The following DNAH9 variants were observed in gnomAD, a reference collection of about 807,000 sequenced individuals.
The protein encoded by DNAH9 is DNAH9 variant protein.
DNAH9 carries 345 observed loss-of-function variants against 471.6 expected under a neutral mutation model. The observed-to-expected ratio is 0.73, with a 90% CI of 0.67 to 0.80. The LOEUF (loss-of-function observed/expected upper bound fraction) is 0.80. Ranked by LOEUF, DNAH9 falls within the 30% of genes least tolerant of loss-of-function variation. The pLI, the probability that DNAH9 is intolerant of heterozygous loss-of-function variation, is 0.00. For missense variants in DNAH9, 5,407 were observed against 5,609.2 expected, an observed-to-expected ratio of 0.96 and a Z score of 1.15; for synonymous variants, 2,093 against 2,123.6, an observed-to-expected ratio of 0.99 and a Z score of 0.40.
chr17:11,745,193 G>A, intron 31 of DNAH9, 109 bp downstream of exon 31: 3 of 903,404 alleles, frequency 3.3e-6, no homozygotes, highest in South Asian at 1.7e-5. Context: ...GTACAAATAT[G>A]TATCTAGTTA....
chr17:11,782,989 T>C (rs768957275), intron 39 of DNAH9, among the ~76,000 whole-genome samples: 5 of 152,218 alleles, frequency 3.3e-5, no homozygotes. Context: ...CACTCTCTTA[T>C]CTCCCACTCA....
chr17:11,698,263 A>ATTATATAATATATTAATATATAAT (rs1201619905), intron 22 of DNAH9, among the ~76,000 whole-genome samples: 8 of 7,056 alleles, frequency 1.1e-3, no homozygotes, highest in Non-Finnish European at 2.9e-3. Flanking sequence ...AATATATAAT[A>ATTATATAATATATTAATATATAAT]ATTATATAAT....
chr17:11,868,557 T>C (rs1056505635), intron 50 of DNAH9, among the ~76,000 whole-genome samples: 3 of 152,096 alleles, frequency 2.0e-5, no homozygotes, highest in African/African-American at 7.2e-5. Context: ...AGTTACCTTG[T>C]ACTCTAGGAC....
At chr17:11,734,409 G>A (rs755856255) in intron 28 of DNAH9, among the ~76,000 whole-genome samples, 13 of 152,150 alleles carry the variant, frequency 8.5e-5, no homozygotes, top group Admixed American at 5.9e-4. Context: ...CCAGTGTATC[G>A]GTACTTTCTA....
chr17:11,897,790 A>T (rs1473619639), intron 59 of DNAH9, among the ~76,000 whole-genome samples: 1 of 152,206 alleles, frequency 6.6e-6, no homozygotes, highest in Non-Finnish European at 1.5e-5. Flanking sequence ...GTAAATGCTA[A>T]ACCAATGGAA....
chr17:11,783,681 C>A lies in DNAH9; in HGVS notation c.7754C>A (p.Thr2585Lys). 6.2e-7 allele frequency: 1 copy of A among 1,614,112 alleles called. No homozygotes were observed. Among genetic ancestry groups the A allele is most frequent in the Non-Finnish European group, 8.5e-7 (1 of 1,180,016 alleles). Residue 2585 changes from threonine to lysine, a missense_variant, in exon 40 of 69, where the codon ACA becomes AAA. Thr to Lys is a moderately conservative substitution (Grantham distance 78). Transcript: ENST00000262442. ...DRSKLSLKEITNVQYVSCMNP... is the reference protein window; with the variant it reads ...DRSKLSLKEIKNVQYVSCMNP... ...AGCAAGCTGTCCCTAAAGGAGATCA[C>A]AAATGTACAGTATGTTTCCTGTATG...
Position 11,617,633 on chromosome 17 carries a change from C to T in DNAH9, c.1116+11C>T. On this transcript the variant is annotated intron_variant, in intron 5 of 68. Transcript: ENST00000262442. The stretch of plus-strand genomic sequence containing the variant: ...CTTCTCATCCAGCAGGTGGGCTGCC[C>T]TGGGATGCCCAGCAACTGCTCCCTG... 6.2e-7 allele frequency: 1 copy of T among 1,608,690 alleles called. No homozygotes were observed. The highest frequency in any genetic ancestry group is 8.5e-7 in the Non-Finnish European group (1 of 1,175,756).
intron 14 of DNAH9, among the ~76,000 whole-genome samples, chr17:11,658,332 A>G (rs1043798668): frequency 4.6e-5 from 7 of 152,166 alleles, no homozygotes; most frequent in African/African-American, 1.7e-4. Context: ...CAGGTAGTGT[A>G]TACAAGCATC....
At chr17:11,755,858 G>C (rs997814528) in intron 33 of DNAH9, among the ~76,000 whole-genome samples, 10 of 152,194 alleles carry the variant, frequency 6.6e-5, no homozygotes, top group Non-Finnish European at 1.2e-4. Context: ...TAAAGAAAAA[G>C]AGGTTTAATG....
In DNAH9 at chr17:11,910,901, G is replaced by A. The variant is rs554241751; in HGVS notation, c.11749+5092G>A. ...AAATTAGGTTACTTGTCCTTTTATCGTTGAGTTATAAGAAGAGTTCCTTAT... is the reference window on the plus strand; with the variant it reads ...AAATTAGGTTACTTGTCCTTTTATCATTGAGTTATAAGAAGAGTTCCTTAT... On this transcript the variant is annotated intron_variant, in intron 61 of 68. Coordinates refer to ENST00000262442, the MANE Select transcript of DNAH9 (RefSeq NM_001372.4). Among the ~76,000 whole-genome samples, 76 of 152,098 alleles carry A rather than the reference G, an allele frequency of 5.0e-4. 1 individual carries two copies. Among genetic ancestry groups the A allele is most frequent in the Middle Eastern group, 3.4e-3 (1 of 294 alleles).
Position 11,598,603 on chromosome 17 carries a change from CCTGCGGCCGG to C in DNAH9, c.112_121del (p.Pro38AlafsTer93). On this transcript the variant is annotated frameshift_variant, in exon 1 of 69. Coordinates refer to ENST00000262442, the MANE Select transcript of DNAH9 (RefSeq NM_001372.4). LOFTEE classifies it high-confidence loss of function. ...TCCTGGGGACCTACGTGGCCATGAG[CCTGCGGCCGG>C]CTGCGGGCGCCTGGGAGCGTTGCGC... 5 of 1,343,220 alleles carry C rather than the reference CCTGCGGCCGG, an allele frequency of 3.7e-6. No individual in the cohort carries two copies. Among genetic ancestry groups the C allele is most frequent in the Non-Finnish European group, 4.8e-6 (5 of 1,050,720 alleles). 83.2% of individuals were successfully genotyped at this position (1,343,220 alleles called of 1,614,324 possible).
Position 11,636,630 on chromosome 17 carries a change from A to G in DNAH9, c.1636-4A>G. 1 of 1,611,956 alleles carries G rather than the reference A, an allele frequency of 6.2e-7. No homozygotes were observed. Among genetic ancestry groups the G allele is most frequent in the Non-Finnish European group, 8.5e-7 (1 of 1,178,402 alleles). On this transcript the variant is annotated splice_polypyrimidine_tract_variant and splice_region_variant and intron_variant, in intron 8 of 68. Coordinates refer to ENST00000262442, the MANE Select transcript of DNAH9 (RefSeq NM_001372.4). ...TTCCTCTTTTTCCTCCACCTTCCCT[A>G]CAGCTGCTAGACATAGCAGGAAACC...
intron 30 of DNAH9, among the ~76,000 whole-genome samples, chr17:11,744,557 ACCC>A (rs1195153314): frequency 6.6e-6 from 1 of 151,670 alleles, no homozygotes; most frequent in Non-Finnish European, 1.5e-5. Context: ...GATCTCTTTG[ACCC>A]CCCACATCAT....
At chr17:11,959,503 G>T (rs903064259) in intron 67 of DNAH9, among the ~76,000 whole-genome samples, 1 of 152,112 alleles carries the variant, frequency 6.6e-6, no homozygotes, top group African/African-American at 2.4e-5. Flanking sequence ...GCTTGATTTG[G>T]GCTCAGAGAT....
rs1597850796 is a variant in DNAH9 at position 11,937,966 on chromosome 17, A to G, written c.12660+444A>G. ...CCAGTGGGGAAGAACACAGTCCTTC[A>G]TAATGCAAACGCCTTCCCTTCGTGT... is the stretch of plus-strand genomic sequence containing the variant. On this transcript the variant is annotated intron_variant, in intron 66 of 68. Coordinates refer to ENST00000262442, the MANE Select transcript of DNAH9 (RefSeq NM_001372.4). The surrounding 1 kb of genome is among the most constrained non-coding windows in gnomAD (Gnocchi z 4.1). Among the ~76,000 whole-genome samples the G allele has an allele frequency of 6.6e-6, 1 of 152,372 alleles. No homozygotes were observed. Among genetic ancestry groups the G allele is most frequent in the Non-Finnish European group, 1.5e-5 (1 of 68,034 alleles).
At chr17:11,635,563 T>C (rs571627862) in intron 8 of DNAH9, among the ~76,000 whole-genome samples, 1 of 152,296 alleles carries the variant, frequency 6.6e-6, no homozygotes, top group South Asian at 2.1e-4. Context: ...TGCCCACTGC[T>C]GTACTTCGTC....
rs1375681176 is a variant in DNAH9 at position 11,690,080 on chromosome 17, G to T, written c.4258G>T (p.Val1420Phe). 19 of 1,613,308 alleles carry T rather than the reference G, an allele frequency of 1.2e-5. No homozygotes were observed. Among genetic ancestry groups the T allele is most frequent in the Non-Finnish European group, 1.5e-5 (18 of 1,179,366 alleles). ...QLQLHHYEDE[V>F]RGIVDKAAKE... ...CCAGCTGCACCACTATGAGGATGAG[G>T]TCCGGGGCATTGTGGACAAAGCTGC... Residue 1420 changes from valine (V) to phenylalanine (F), a missense_variant, in exon 20 of 69, where the codon GTC becomes TTC. Physicochemically the swap from Val to Phe is conservative, Grantham distance 50 (BLOSUM62 -1). This residue lies in a region of DNAH9 where 4,636 missense variants were observed against 4,900.3 expected (regional missense o/e 0.95). Transcript: ENST00000262442.
At chr17:11,678,183 G>A (rs55675546) in intron 17 of DNAH9, among the ~76,000 whole-genome samples, 2,027 of 152,018 alleles carry the variant, frequency 0.013, 42 homozygotes, top group African/African-American at 0.046. Flanking sequence ...TCAGCATCCC[G>A]AGTAGCTGGG....
chr17:11,962,244 C>T lies in DNAH9; in HGVS notation c.13221C>T (p.Cys4407=). 6.2e-7 allele frequency: 1 copy of T among 1,604,196 alleles called. No homozygotes were observed. The highest frequency in any genetic ancestry group is 8.5e-7 in the Non-Finnish European group (1 of 1,174,948). Residue 4407 remains cysteine (C), a synonymous_variant, in exon 68 of 69, where the codon TGC becomes TGT. Transcript: ENST00000262442. The surrounding 1 kb of genome is among the most constrained non-coding windows in gnomAD (Gnocchi z 4.1). ...YIHGLFMEGA[C]WDTQAGIITE... is the part of the protein sequence containing the mutation. ...ATGGCCTCTTCATGGAAGGTGCCTG[C>T]TGGGACACACAGGTAAAGCTTGGAA...
Sources: gnomAD v4.1 joint callset for allele counts (sites outside exome capture counted in the v4.1 genomes callset) on GRCh38, gnomAD v4.1.1 for gene constraint, gnomAD v4.1.1 regional missense constraint, Gnocchi (gnomAD v3.1) non-coding constraint, MANE v1.5 for transcripts, NCBI Gene and HGNC (gene_info 2026-07-23, HGNC 2026-07-21) for gene names.